Variants in NFYC observed in about 807,000 individuals in gnomAD.
NFYC encodes the protein CAAT box DNA-binding protein subunit C.
NFYC carries 25 observed loss-of-function variants against 53.1 expected under a neutral mutation model. The ratio of observed to expected loss-of-function variants is 0.47; its 90% CI spans 0.34 to 0.66. NFYC has a LOEUF of 0.66. NFYC is among the 30% of genes least tolerant of loss of function. NFYC has a pLI of 0.01. For missense variants in NFYC, 260 were observed against 422.7 expected (o/e 0.62, Z 3.38); for synonymous variants, 145 against 152.6 (o/e 0.95, Z 0.37).
At chr1:40,745,116 G>A (rs1465211044) in intron 2 of NFYC, among the ~76,000 whole-genome samples, 20 of 152,168 alleles carry the variant, frequency 1.3e-4, no homozygotes, top group Admixed American at 1.3e-3. Context: ...CTGCAAGGCG[G>A]GAATGATCTC....
intron 1 of NFYC, among the ~76,000 whole-genome samples, chr1:40,718,403 T>C (rs1235952177): frequency 6.6e-6 from 1 of 152,242 alleles, no homozygotes; most frequent in African/African-American, 2.4e-5. Flanking sequence ...CTTCGGGGAC[T>C]AATTCTTCCT....
rs13374411 is a variant in NFYC at position 40,709,097 on chromosome 1, A to G, written c.-9+17230A>G. Among the ~76,000 whole-genome samples the G allele has an allele frequency of 6.0e-3, 916 of 152,338 alleles. 9 individuals are homozygous for G. The highest frequency in any genetic ancestry group is 0.021 in the African/African-American group (869 of 41,576). Reference sequence around the variant, plus strand: ...CACATGATGCCCTAGTGCAGCTGCTATGTGCATTTGCCAGACATTTCCACG... The same window carrying G: ...CACATGATGCCCTAGTGCAGCTGCTGTGTGCATTTGCCAGACATTTCCACG... On this transcript the variant is annotated intron_variant, in intron 1 of 9. Transcript: ENST00000447388.
chr1:40,725,875 T>C (rs1644493349), intron 1 of NFYC, among the ~76,000 whole-genome samples: 1 of 152,250 alleles, frequency 6.6e-6, no homozygotes, highest in Non-Finnish European at 1.5e-5. Flanking sequence ...ATAGAAGTTA[T>C]GTTTATATTA....
intron 1 of NFYC, chr1:40,695,886 T>C (rs1643107755): frequency 6.6e-6 from 1 of 152,228 alleles, no homozygotes; most frequent in Non-Finnish European, 1.5e-5. Context: ...GTATTATGTA[T>C]ATTTATTCTC....
chr1:40,702,452 C>T (rs1557736875), intron 1 of NFYC, among the ~76,000 whole-genome samples: 1 of 150,362 alleles, frequency 6.7e-6, no homozygotes, highest in Non-Finnish European at 1.5e-5. Flanking sequence ...AAGCGATTCT[C>T]CTGCCTCAGC....
In NFYC at chr1:40,769,464, G is replaced by A. The variant is rs370204719; in HGVS notation, c.888+49G>A. The A allele has an allele frequency of 3.0e-4, 461 of 1,550,214 alleles. 2 individuals are homozygous for A. The highest frequency in any genetic ancestry group is 2.0e-3 in the Middle Eastern group (12 of 5,962). ...GCAGAGGGTGAGGATTTGCGGGGCA[G>A]GGTAGCAGGTAGTATCTGGGTTTGG... On this transcript the variant is annotated intron_variant, in intron 9 of 9. Coordinates refer to ENST00000447388, the MANE Select transcript of NFYC (RefSeq NM_014223.5).
intron 4 of NFYC, among the ~76,000 whole-genome samples, chr1:40,752,614 G>T (rs1645978671): frequency 6.6e-6 from 1 of 151,944 alleles, no homozygotes; most frequent in Non-Finnish European, 1.5e-5. Flanking sequence ...GAACTGCAAT[G>T]ATAAACCCAT....
At chr1:40,747,182 C>T (rs1301016132) in intron 2 of NFYC, among the ~76,000 whole-genome samples, 1 of 129,300 alleles carries the variant, frequency 7.7e-6, no homozygotes, top group Non-Finnish European at 1.6e-5. Context: ...ATATTGCAGA[C>T]TGGTAAACTT....
intron 1 of NFYC, among the ~76,000 whole-genome samples, chr1:40,718,996 C>G (rs201990790): frequency 6.6e-6 from 1 of 152,114 alleles, no homozygotes; most frequent in Non-Finnish European, 1.5e-5. Flanking sequence ...CTCAGCCTCC[C>G]GAGTAGCTGG....
chr1:40,766,853 A>G, intron 8 of NFYC, 150 bp downstream of exon 8: 2 of 1,508,916 alleles, frequency 1.3e-6, no homozygotes, highest in South Asian at 1.2e-5. Context: ...TCTGCACCCA[A>G]GAGGCATGGG....
rs181068249 is a variant in NFYC, at chr1:40,757,220, C to T, written c.388-901C>T. ...GCACCATGTGTCACACAGGTCACTC[C>T]GGATCAGACGCCGTTCTGTGTCAGT... On this transcript the variant is annotated intron_variant, in intron 5 of 9. Coordinates refer to ENST00000447388, the MANE Select transcript of NFYC (RefSeq NM_014223.5). 8.8e-4 allele frequency: 345 copies of T among 390,878 alleles called. 1 individual carries two copies. Among genetic ancestry groups the T allele is most frequent in the Non-Finnish European group, 1.5e-3 (268 of 173,472 alleles). The allele number at this position is 390,878 out of a possible 1,614,324, so 24.2% of individuals were successfully genotyped here. A position where few individuals can be genotyped will look rare whatever the true frequency, so the allele number is the denominator to read the frequency against.
intron 3 of NFYC, 72 bp from the exon 4 acceptor site, chr1:40,749,501 C>A: frequency 8.4e-7 from 1 of 1,185,770 alleles, no homozygotes. Flanking sequence ...CCATGCCAGG[C>A]AATGAGGCAA....
chr1:40,766,706 A>C lies in NFYC; in HGVS notation c.828+3A>C. 3 of 1,612,738 alleles carry C rather than the reference A, an allele frequency of 1.9e-6. No homozygotes were observed. The highest frequency in any genetic ancestry group is 2.5e-6 in the Non-Finnish European group (3 of 1,178,744). On this transcript the variant is annotated splice_donor_region_variant and intron_variant, in intron 8 of 9. Transcript: ENST00000447388. Reference sequence around the variant, plus strand: ...CACTTGCCACCAATGCTCAACAGGTATGTGCCCCAGAGACACAAGGCCTGT... The same window carrying C: ...CACTTGCCACCAATGCTCAACAGGTCTGTGCCCCAGAGACACAAGGCCTGT...
intron 1 of NFYC, among the ~76,000 whole-genome samples, chr1:40,705,483 G>A (rs1279052352): frequency 1.3e-5 from 2 of 152,142 alleles, no homozygotes; most frequent in Non-Finnish European, 2.9e-5. Context: ...ATAACACATC[G>A]TGTTAACATA....
In NFYC at chr1:40,720,018, C is replaced by G. The variant is rs762626379; in HGVS notation, c.-8-18818C>G. 5.1e-4 allele frequency among the ~76,000 whole-genome samples: 77 copies of G among 152,180 alleles called. 1 individual carries two copies. The highest frequency in any genetic ancestry group is 4.6e-4 in the Admixed American group (7 of 15,280). On this transcript the variant is annotated intron_variant, in intron 1 of 9. Transcript: ENST00000447388. Reference sequence around the variant, plus strand: ...AAATGTAAGGGATTAGCATAACTATCTCAGTCACTTTGCCCTCTTTGAAGA... The same window carrying G: ...AAATGTAAGGGATTAGCATAACTATGTCAGTCACTTTGCCCTCTTTGAAGA...
chr1:40,763,450 G>A (rs35262530), intron 7 of NFYC: 4 of 452,568 alleles, frequency 8.8e-6, no homozygotes, highest in Non-Finnish European at 1.8e-5. Flanking sequence ...AGGTTCAAGC[G>A]ATTCTCCTGC....
chr1:40,733,893 G>A (rs35881320), intron 1 of NFYC, among the ~76,000 whole-genome samples: 32,425 of 151,884 alleles, frequency 0.21, 4,063 homozygotes, highest in South Asian at 0.41. Flanking sequence ...ATAAGCATGT[G>A]CCACCATGCT....
At chr1:40,764,553 C>T (rs915978834) in intron 7 of NFYC, among the ~76,000 whole-genome samples, 7 of 152,188 alleles carry the variant, frequency 4.6e-5, no homozygotes, top group African/African-American at 1.4e-4. Context: ...AGAAGAGTTC[C>T]ACCTTGCAGA....
At position 40,691,780 on chromosome 1, in the gene NFYC, T is replaced by C. The variant is rs1035624543; in HGVS notation, c.-96T>C. 11 of 452,940 alleles carry C rather than the reference T, an allele frequency of 2.4e-5. No individual in the cohort carries two copies. Among genetic ancestry groups the C allele is most frequent in the Non-Finnish European group, 4.9e-5 (11 of 225,410 alleles). The allele number at this position is 452,940 out of a possible 1,614,324, so 28.1% of individuals were successfully genotyped here. On this transcript the variant is annotated 5_prime_UTR_variant, in exon 1 of 10. Coordinates refer to ENST00000447388, the MANE Select transcript of NFYC (RefSeq NM_014223.5). ...GTTCTCCGTGACGCACACTTCCCCC[T>C]CCCCTCCGCCGCGCCTGGGCCTCTG... is the stretch of plus-strand genomic sequence containing the variant.
Sources: gnomAD v4.1 joint callset for allele counts (sites outside exome capture counted in the v4.1 genomes callset) on GRCh38, gnomAD v4.1.1 for gene constraint, MANE v1.5 for transcripts, NCBI Gene and HGNC (gene_info 2026-07-23, HGNC 2026-07-21) for gene names.